Variants in SAMMSON observed in about 807,000 individuals in gnomAD.
The protein encoded by SAMMSON is long intergenic non-protein coding RNA 1212.
downstream of SAMMSON, among the ~76,000 whole-genome samples, chr3:70,390,465 C>T (rs1483892035): frequency 2.6e-5 from 4 of 152,068 alleles, no homozygotes; most frequent in African/African-American, 9.7e-5. Flanking sequence ...AGCATAGCAG[C>T]ATCTGGTTTT....
At position 70,267,435 on chromosome 3, in the gene SAMMSON, C is replaced by T. The variant is rs1410584443; in HGVS notation, n.674+17765C>T. ...TTTTTTTTTTTGAGCGGGAGTCTCGCTCTGTCACCCAGGCTGGTGTGCAGT... is the reference window on the plus strand; with the variant it reads ...TTTTTTTTTTTGAGCGGGAGTCTCGTTCTGTCACCCAGGCTGGTGTGCAGT... On this transcript the variant is annotated intron_variant and non_coding_transcript_variant, in intron 6 of 9. Coordinates refer to ENST00000642114, the Ensembl canonical transcript of SAMMSON. 3.4e-5 allele frequency among the ~76,000 whole-genome samples: 4 copies of T among 116,668 alleles called. No individual in the cohort carries two copies. In the Admixed American group the frequency reaches 5.1e-4, roughly 15 times the overall value. The allele number at this position is 116,668 out of a possible 152,430, so 76.5% of individuals were successfully genotyped here. A position where few individuals can be genotyped will look rare whatever the true frequency, so the allele number is the denominator to read the frequency against.
intron 7 of SAMMSON, among the ~76,000 whole-genome samples, chr3:70,300,480 T>C (rs1049538297): frequency 7.2e-5 from 11 of 152,014 alleles, no homozygotes; most frequent in African/African-American, 2.7e-4. Flanking sequence ...GAGTTAGATA[T>C]GTGTATTTTT....
intron 7 of SAMMSON, among the ~76,000 whole-genome samples, chr3:70,307,019 A>G (rs2106706506): frequency 6.6e-6 from 1 of 152,296 alleles, no homozygotes; most frequent in Non-Finnish European, 1.5e-5. Context: ...AGAGAGATAG[A>G]GAGAAAATCT....
At chr3:70,330,180 C>T (rs978284080) in intron 7 of SAMMSON, among the ~76,000 whole-genome samples, 4 of 151,790 alleles carry the variant, frequency 2.6e-5, no homozygotes, top group Admixed American at 6.6e-5. Context: ...TTAAGAGAAA[C>T]TGCAAAAGTG....
At chr3:70,323,818 C>A (rs1437398333) in intron 7 of SAMMSON, among the ~76,000 whole-genome samples, 1 of 152,122 alleles carries the variant, frequency 6.6e-6, no homozygotes, top group Non-Finnish European at 1.5e-5. Context: ...CTGGAGTCTG[C>A]TTCAGCTTCT....
intron 4 of SAMMSON, among the ~76,000 whole-genome samples, chr3:70,238,181 G>A (rs990354458): frequency 6.6e-6 from 1 of 151,568 alleles, no homozygotes; most frequent in Admixed American, 6.6e-5. Flanking sequence ...TGTGAGACTC[G>A]CATAGCACCA....
chr3:70,166,985 G>A (rs918261052), intron 4 of SAMMSON, among the ~76,000 whole-genome samples: 1 of 151,936 alleles, frequency 6.6e-6, no homozygotes, highest in South Asian at 2.1e-4. Flanking sequence ...AGCCTCAAAT[G>A]TAAGCTACAC....
chr3:70,165,279 T>G (rs1263888567), intron 4 of SAMMSON, among the ~76,000 whole-genome samples: 1 of 152,032 alleles, frequency 6.6e-6, no homozygotes, highest in Non-Finnish European at 1.5e-5. Context: ...AGTGTTGTGG[T>G]CTGAATGTCT....
chr3:70,373,514 G>A (rs1702987999), intron 9 of SAMMSON, among the ~76,000 whole-genome samples: 1 of 152,010 alleles, frequency 6.6e-6, no homozygotes, highest in African/African-American at 2.4e-5. Context: ...TATGTCTTGT[G>A]CTACATTGAG....
intron 2 of SAMMSON, among the ~76,000 whole-genome samples, chr3:70,412,231 A>G (rs1040957170): frequency 3.9e-5 from 6 of 152,192 alleles, no homozygotes; most frequent in African/African-American, 1.4e-4. Context: ...CTTAAATGTG[A>G]TGTAGTGTAG....
chr3:70,035,113 G>T (rs571561694), intron 3 of SAMMSON, among the ~76,000 whole-genome samples: 8 of 152,042 alleles, frequency 5.3e-5, no homozygotes, highest in Non-Finnish European at 7.4e-5. Context: ...TTATGTGAAG[G>T]GGGGGATTCA....
At chr3:70,219,408 T>C (rs1576159590) in intron 4 of SAMMSON, among the ~76,000 whole-genome samples, 1 of 152,154 alleles carries the variant, frequency 6.6e-6, no homozygotes, top group Admixed American at 6.6e-5. Context: ...TTTTTAGAGG[T>C]GTTGATTTTT....
chr3:70,111,492 A>G (rs901206359), intron 4 of SAMMSON, among the ~76,000 whole-genome samples: 1 of 152,164 alleles, frequency 6.6e-6, no homozygotes, highest in South Asian at 2.1e-4. Flanking sequence ...AATTGTTTCC[A>G]TAATTCATAA....
intron 4 of SAMMSON, among the ~76,000 whole-genome samples, chr3:70,101,469 A>G (rs1346093515): frequency 6.6e-6 from 1 of 152,136 alleles, no homozygotes; most frequent in Non-Finnish European, 1.5e-5. Context: ...CGTTGTTTAC[A>G]TATAGGTTTA....
At chr3:70,066,633 C>T (rs2067211214) in intron 3 of SAMMSON, among the ~76,000 whole-genome samples, 1 of 152,064 alleles carries the variant, frequency 6.6e-6, no homozygotes, top group Admixed American at 6.6e-5. Flanking sequence ...CATCAGATTA[C>T]TATTAACATG....
chr3:70,009,631 T>C (rs950816401), intron 1 of SAMMSON, among the ~76,000 whole-genome samples: 5 of 152,174 alleles, frequency 3.3e-5, no homozygotes, highest in African/African-American at 9.6e-5. Flanking sequence ...TTTGTGTCTC[T>C]ATTCCCTTCA....
At chr3:70,011,956 A>C (rs1309187209) in intron 1 of SAMMSON, among the ~76,000 whole-genome samples, 1 of 152,078 alleles carries the variant, frequency 6.6e-6, no homozygotes, top group Non-Finnish European at 1.5e-5. Flanking sequence ...GCATCTGACA[A>C]CCAGAAATGG....
At chr3:70,063,339 GC>G (rs1444882247) in intron 3 of SAMMSON, among the ~76,000 whole-genome samples, 1 of 152,042 alleles carries the variant, frequency 6.6e-6, no homozygotes, top group African/African-American at 2.4e-5. Context: ...TTTCCAGCCT[GC>G]TTTTCAAATC....
chr3:70,285,765 T>A (rs1396042941), intron 6 of SAMMSON, among the ~76,000 whole-genome samples: 3 of 152,108 alleles, frequency 2.0e-5, no homozygotes, highest in Non-Finnish European at 2.9e-5. Context: ...TGGTGTGAGA[T>A]GGTATCTCAT....
Sources: allele counts gnomAD v4.1 joint callset (sites outside exome capture counted in the v4.1 genomes callset), GRCh38; gene constraint gnomAD v4.1.1; transcripts MANE v1.5; gene names NCBI Gene and HGNC (gene_info 2026-07-23, HGNC 2026-07-21).